Variants in SHISAL1 observed in about 807,000 individuals in gnomAD.
The protein encoded by SHISAL1 is shisa like 1.
A neutral mutation model predicts 22.6 loss-of-function variants in SHISAL1; 9 were observed. The ratio of observed to expected loss-of-function variants is 0.40; its 90% CI spans 0.24 to 0.70. The LOEUF (loss-of-function observed/expected upper bound fraction) is 0.70, where lower values mean the gene tolerates loss of function less well. Ranked by LOEUF, SHISAL1 falls within the 30% of genes least tolerant of loss-of-function variation. The probability of loss-of-function intolerance (pLI) is 0.39; values close to 1 mark genes in which losing one functional copy is unlikely to be tolerated. For missense variants in SHISAL1, 246 were observed against 270.6 expected (o/e 0.91, Z 0.64); for synonymous variants, 119 against 115.4 (o/e 1.03, Z -0.20).
chr22:44,293,327 G>A (rs562895408), intron 3 of SHISAL1, among the ~76,000 whole-genome samples: 6 of 152,312 alleles, frequency 3.9e-5, no homozygotes, highest in African/African-American at 1.4e-4. Flanking sequence ...CAAGGGATGG[G>A]ATCTCCCCAG....
At chr22:44,263,082 T>TCTTTCTTTC (rs1555925940) in intron 4 of SHISAL1, among the ~76,000 whole-genome samples, 1 of 124,122 alleles carries the variant, frequency 8.1e-6, no homozygotes, top group African/African-American at 3.2e-5. Flanking sequence ...TTTCTTTCTT[T>TCTTTCTTTC]TTTTTTTTTT....
At chr22:44,308,295 T>C (rs1195254475) in intron 1 of SHISAL1, among the ~76,000 whole-genome samples, 1 of 152,212 alleles carries the variant, frequency 6.6e-6, no homozygotes, top group Non-Finnish European at 1.5e-5. Flanking sequence ...ACCCAAGCCC[T>C]AGGCGGCCCC....
At chr22:44,299,081 G>T (rs1231337632) in intron 2 of SHISAL1, among the ~76,000 whole-genome samples, 1 of 152,206 alleles carries the variant, frequency 6.6e-6, no homozygotes, top group Non-Finnish European at 1.5e-5. Flanking sequence ...AAACAGCAAG[G>T]CGCAGCCCCC....
At position 44,246,265 on chromosome 22, in the gene SHISAL1, C is replaced by G. The variant is rs1429577822; in HGVS notation, c.*3420G>C. 1 of 152,244 alleles carries G rather than the reference C, an allele frequency of 6.6e-6. No homozygotes were observed. Among genetic ancestry groups the G allele is most frequent in the Non-Finnish European group, 1.5e-5 (1 of 68,054 alleles). 9.4% of individuals were successfully genotyped at this position (152,244 alleles called of 1,614,324 possible). On this transcript the variant is annotated 3_prime_UTR_variant, in exon 5 of 5. Transcript: ENST00000381176. Reference sequence around the variant, plus strand: ...AGCATAAAACTGCTCATTAATTACACACAGTTCCCAGTGGGAAACAGTCCT... The same window carrying G: ...AGCATAAAACTGCTCATTAATTACAGACAGTTCCCAGTGGGAAACAGTCCT...
intron 1 of SHISAL1, among the ~76,000 whole-genome samples, chr22:44,302,620 G>C (rs1423970365): frequency 2.0e-5 from 3 of 152,024 alleles, no homozygotes; most frequent in African/African-American, 7.3e-5. Context: ...GGATAGCAGG[G>C]GCAAAGGCCC....
the SHISAL1 span, among the ~76,000 whole-genome samples, chr22:44,331,462 C>G: frequency 1.3e-5 from 2 of 151,310 alleles, no homozygotes; most frequent in South Asian, 4.2e-4. This position sits in a 1 kb window ranked among gnomAD's most constrained non-coding sequence, Gnocchi z 5.2. Flanking sequence ...CCCCGCGCGG[C>G]CCCCGCCCTG....
intron 4 of SHISAL1, among the ~76,000 whole-genome samples, chr22:44,256,626 C>T (rs1157535368): frequency 6.6e-6 from 1 of 152,170 alleles, no homozygotes; most frequent in South Asian, 2.1e-4. Flanking sequence ...GCATTATCAC[C>T]ATCTGACAGT....
At chr22:44,292,492 G>T (rs905456820) in intron 3 of SHISAL1, among the ~76,000 whole-genome samples, 2 of 152,114 alleles carry the variant, frequency 1.3e-5, no homozygotes, top group African/African-American at 4.8e-5. Context: ...CCAGCCTGGG[G>T]CCCAGCCCCT....
At chr22:44,320,540 T>G in the SHISAL1 span, among the ~76,000 whole-genome samples, 1 of 152,224 alleles carries the variant, frequency 6.6e-6, no homozygotes, top group Non-Finnish European at 1.5e-5. Context: ...TATTTTCTAA[T>G]TTTTTTCCAC....
chr22:44,261,248 G>A (rs892215993), intron 4 of SHISAL1, among the ~76,000 whole-genome samples: 34 of 151,026 alleles, frequency 2.3e-4, no homozygotes, highest in African/African-American at 8.0e-4. Flanking sequence ...TGTTACTTTC[G>A]GTTTTGTGGT....
the SHISAL1 span, among the ~76,000 whole-genome samples, chr22:44,318,733 G>T: frequency 6.6e-6 from 1 of 152,224 alleles, no homozygotes; most frequent in Non-Finnish European, 1.5e-5. Context: ...GGAGGCTCGC[G>T]GCCTGCTCAG....
At chr22:44,292,503 C>T (rs1399476724) in intron 3 of SHISAL1, among the ~76,000 whole-genome samples, 1 of 152,242 alleles carries the variant, frequency 6.6e-6, no homozygotes, top group Non-Finnish European at 1.5e-5. Context: ...CCCAGCCCCT[C>T]CTTCCTCCCA....
chr22:44,318,953 A>T, the SHISAL1 span, among the ~76,000 whole-genome samples: 1 of 152,246 alleles, frequency 6.6e-6, no homozygotes, highest in Non-Finnish European at 1.5e-5. Flanking sequence ...CGCTGGCCAC[A>T]GCTGGCACCA....
chr22:44,286,983 G>T (rs910432801), intron 3 of SHISAL1, among the ~76,000 whole-genome samples: 1 of 152,344 alleles, frequency 6.6e-6, no homozygotes, highest in South Asian at 2.1e-4. Flanking sequence ...ACACGCCACC[G>T]CTGCACATCC....
chr22:44,282,385 C>T lies in SHISAL1; in HGVS notation c.599+3043G>A, dbSNP rs572769804. ...CCTCCCCTGGCATCACCTGACTGCC[C>T]TGTCCTGGCAGTGCCTTGGCCTCCT... On this transcript the variant is annotated intron_variant, in intron 4 of 4. Coordinates refer to ENST00000381176, the MANE Select transcript of SHISAL1 (RefSeq NM_001099294.2). 1.8e-3 allele frequency among the ~76,000 whole-genome samples: 275 copies of T among 152,358 alleles called. 1 individual carries two copies. The highest frequency in any genetic ancestry group is 6.2e-3 in the African/African-American group (256 of 41,596).
chr22:44,250,631 G>A (rs187202585), intron 4 of SHISAL1, among the ~76,000 whole-genome samples: 53 of 152,278 alleles, frequency 3.5e-4, no homozygotes, highest in East Asian at 1.2e-3. Flanking sequence ...TCTGGCTAAC[G>A]CTGTGTAAGT....
Position 44,268,405 on chromosome 22 carries a change from T to G in SHISAL1, c.599+17023A>C, listed in dbSNP as rs574734899. 4.8e-4 allele frequency among the ~76,000 whole-genome samples: 73 copies of G among 152,206 alleles called. 1 individual carries two copies. Among genetic ancestry groups the G allele is most frequent in the Admixed American group, 1.8e-3 (27 of 15,294 alleles). Reference sequence around the variant, plus strand: ...GCACCTCCATTAGCCAGATAGAAGGTCAAAGAGGTTTTAAGCTGAAAGATG... The same window carrying G: ...GCACCTCCATTAGCCAGATAGAAGGGCAAAGAGGTTTTAAGCTGAAAGATG... On this transcript the variant is annotated intron_variant, in intron 4 of 4. Transcript: ENST00000381176.
At position 44,245,209 on chromosome 22, in the gene SHISAL1, A is replaced by G. The variant is rs1391639087; in HGVS notation, c.*4476T>C. On this transcript the variant is annotated 3_prime_UTR_variant, in exon 5 of 5. Transcript: ENST00000381176. ...GATTCCAACCCTAGATTTTCACAGC[A>G]GACGAAAACAACCCACGTGGATGTC... is the stretch of plus-strand genomic sequence containing the variant. The G allele has an allele frequency of 6.6e-6, 1 of 152,272 alleles. No individual in the cohort carries two copies. The highest frequency in any genetic ancestry group is 1.5e-5 in the Non-Finnish European group (1 of 68,054). The allele number at this position is 152,272 out of a possible 1,614,324, so 9.4% of individuals were successfully genotyped here. A position where few individuals can be genotyped will look rare whatever the true frequency, so the allele number is the denominator to read the frequency against.
upstream of SHISAL1, among the ~76,000 whole-genome samples, chr22:44,315,083 C>T (rs1048204376): frequency 6.6e-6 from 1 of 152,104 alleles, no homozygotes; most frequent in Non-Finnish European, 1.5e-5. Flanking sequence ...TTCCTGCTCT[C>T]AGGCTGAGGG....
Sources: allele counts gnomAD v4.1 joint callset (sites outside exome capture counted in the v4.1 genomes callset), GRCh38; gene constraint gnomAD v4.1.1; non-coding constraint Gnocchi (gnomAD v3.1); transcripts MANE v1.5; gene names NCBI Gene and HGNC (gene_info 2026-07-23, HGNC 2026-07-21).